Variants in ADGRL2 observed in about 807,000 individuals in gnomAD.
ADGRL2 encodes the protein calcium-independent alpha-latrotoxin receptor 2.
A neutral mutation model predicts 157.4 loss-of-function variants in ADGRL2; 44 were observed. The ratio of observed to expected loss-of-function variants is 0.28; its 90% CI spans 0.22 to 0.36. ADGRL2 has a LOEUF of 0.36. Ranked by LOEUF, ADGRL2 falls within the 10% of genes least tolerant of loss-of-function variation. The pLI, the probability that ADGRL2 is intolerant of heterozygous loss-of-function variation, is 1.00. For missense variants in ADGRL2, 1,510 were observed against 1,768.9 expected, an observed-to-expected ratio of 0.85 and a Z score of 2.63; for synonymous variants, 585 against 624.7, an observed-to-expected ratio of 0.94 and a Z score of 0.95.
chr1:81,401,875 T>C (rs1197942103), intron 1 of ADGRL2, among the ~76,000 whole-genome samples: 1 of 152,212 alleles, frequency 6.6e-6, no homozygotes, highest in Non-Finnish European at 1.5e-5. Context: ...ATATATTCTG[T>C]TTATATACCT....
At chr1:81,767,172 C>T (rs962786585) in intron 2 of ADGRL2, among the ~76,000 whole-genome samples, 3 of 152,116 alleles carry the variant, frequency 2.0e-5, no homozygotes, top group African/African-American at 7.2e-5. Flanking sequence ...AAGCACATGG[C>T]TATAATTCAT....
At chr1:81,909,949 T>G (rs576943127) in intron 3 of ADGRL2, among the ~76,000 whole-genome samples, 2 of 151,730 alleles carry the variant, frequency 1.3e-5, no homozygotes, top group Non-Finnish European at 2.9e-5. Context: ...ACTTTGAAAA[T>G]AGTACAATTG....
intron 1 of ADGRL2, among the ~76,000 whole-genome samples, chr1:81,335,061 A>C (rs2100722819): frequency 6.6e-6 from 1 of 152,292 alleles, no homozygotes; most frequent in Middle Eastern, 3.4e-3. Flanking sequence ...CCTTTTAATA[A>C]TGAAGTTAGG....
intron 3 of ADGRL2, among the ~76,000 whole-genome samples, chr1:81,908,807 C>T (rs2094641960): frequency 6.6e-6 from 1 of 151,828 alleles, no homozygotes; most frequent in Non-Finnish European, 1.5e-5. Context: ...TCCCTAATGA[C>T]ATGAAATGTT....
intron 1 of ADGRL2, among the ~76,000 whole-genome samples, chr1:81,404,898 A>G (rs2076825687): frequency 6.6e-6 from 1 of 152,212 alleles, no homozygotes; most frequent in Non-Finnish European, 1.5e-5. Flanking sequence ...AATCAAGATG[A>G]TTATTAATAT....
chr1:81,482,885 A>G (rs2078419924), intron 2 of ADGRL2, among the ~76,000 whole-genome samples: 1 of 151,836 alleles, frequency 6.6e-6, no homozygotes, highest in Admixed American at 6.6e-5. Flanking sequence ...TATATTTTAC[A>G]GTGAGCACAC....
chr1:81,813,955 A>G (rs375812625), intron 1 of ADGRL2, among the ~76,000 whole-genome samples: 2 of 151,658 alleles, frequency 1.3e-5, no homozygotes, highest in South Asian at 4.1e-4. Flanking sequence ...GGTAAGTTCT[A>G]CCTGTTTTGT....
At chr1:81,451,775 T>A (rs1469965056) in intron 2 of ADGRL2, among the ~76,000 whole-genome samples, 1 of 152,194 alleles carries the variant, frequency 6.6e-6, no homozygotes, top group Non-Finnish European at 1.5e-5. Context: ...GAATAATTCT[T>A]CTCTTTGCTT....
At chr1:81,352,411 C>T (rs1221847301) in intron 1 of ADGRL2, among the ~76,000 whole-genome samples, 2 of 152,134 alleles carry the variant, frequency 1.3e-5, no homozygotes, top group Non-Finnish European at 2.9e-5. Context: ...TTTACACAAC[C>T]AGCTTAAACT....
chr1:81,569,278 A>G (rs370109054), intron 2 of ADGRL2, among the ~76,000 whole-genome samples: 12 of 152,304 alleles, frequency 7.9e-5, no homozygotes, highest in African/African-American at 2.6e-4. Flanking sequence ...TCCACGAGAC[A>G]ATTAAGTTAC....
At chr1:81,430,707 T>A (rs1401131542) in intron 1 of ADGRL2, among the ~76,000 whole-genome samples, 1 of 152,204 alleles carries the variant, frequency 6.6e-6, no homozygotes, top group Non-Finnish European at 1.5e-5. Flanking sequence ...ATAGCCTAAC[T>A]TGGCAATATA....
intron 2 of ADGRL2, among the ~76,000 whole-genome samples, chr1:81,480,878 T>C (rs2078372024): frequency 6.6e-6 from 1 of 152,174 alleles, no homozygotes; most frequent in South Asian, 2.1e-4. Context: ...AAATATTACT[T>C]GTTGTGACAA....
At chr1:81,720,322 A>G (rs973816881) in intron 1 of ADGRL2, among the ~76,000 whole-genome samples, 6 of 151,562 alleles carry the variant, frequency 4.0e-5, no homozygotes, top group Non-Finnish European at 5.9e-5. Flanking sequence ...ATTACAGGCC[A>G]CTACGCCTGG....
intron 2 of ADGRL2, among the ~76,000 whole-genome samples, chr1:81,539,617 C>T (rs1386563686): frequency 6.6e-6 from 1 of 152,120 alleles, no homozygotes; most frequent in Non-Finnish European, 1.5e-5. Flanking sequence ...CAAAACTGAA[C>T]AGACATTTCC....
In ADGRL2 at chr1:81,702,326, T is replaced by A. The variant is rs114113786; in HGVS notation, c.-143+2518T>A. ...AACACCAGCTAGACAGCATCACCCC[T>A]TCTTTCTAAAAACTCTGCCAATGTA... On this transcript the variant is annotated intron_variant, in intron 1 of 20. Coordinates refer to the ADGRL2 transcript ENST00000359929. Among the ~76,000 whole-genome samples the A allele has an allele frequency of 9.9e-3, 1,514 of 152,184 alleles. 30 individuals carry two copies. The highest frequency in any genetic ancestry group is 0.035 in the African/African-American group (1,445 of 41,460).
At chr1:81,715,789 C>G (rs1278100002) in intron 1 of ADGRL2, among the ~76,000 whole-genome samples, 1 of 152,026 alleles carries the variant, frequency 6.6e-6, no homozygotes, top group Non-Finnish European at 1.5e-5. Flanking sequence ...GTCACAGAAC[C>G]TAATGAGGAA....
intron 3 of ADGRL2, among the ~76,000 whole-genome samples, chr1:81,603,366 A>C (rs905860380): frequency 2.6e-5 from 4 of 152,094 alleles, no homozygotes; most frequent in Non-Finnish European, 4.4e-5. Context: ...TGTGTGTTTG[A>C]ATGCATGTGT....
At chr1:81,739,595 C>G (rs1259498359) in intron 1 of ADGRL2, among the ~76,000 whole-genome samples, 1 of 152,162 alleles carries the variant, frequency 6.6e-6, no homozygotes, top group Non-Finnish European at 1.5e-5. Flanking sequence ...GCAAAGAAAA[C>G]TAGCCTAACC....
At chr1:81,733,612 C>A (rs1052114839) in intron 1 of ADGRL2, among the ~76,000 whole-genome samples, 2 of 152,164 alleles carry the variant, frequency 1.3e-5, no homozygotes, top group African/African-American at 4.8e-5. Flanking sequence ...CAGTCACATT[C>A]TGAGGTACTG....
Sources: gnomAD v4.1 joint callset for allele counts (sites outside exome capture counted in the v4.1 genomes callset) on GRCh38, gnomAD v4.1.1 for gene constraint, MANE v1.5 for transcripts, NCBI Gene and HGNC (gene_info 2026-07-23, HGNC 2026-07-21) for gene names.